Variants in EPB41L4B observed in about 807,000 individuals in gnomAD.
The protein encoded by EPB41L4B is erythrocyte membrane protein band 4.1 like 4B.
EPB41L4B carries 30 observed loss-of-function variants against 112.5 expected under a neutral mutation model. The observed-to-expected ratio is 0.27, with a 90% CI of 0.20 to 0.36. The LOEUF is 0.36. Ranked by LOEUF, EPB41L4B falls within the 10% of genes least tolerant of loss-of-function variation. EPB41L4B has a pLI of 1.00. For synonymous variants in EPB41L4B, 408 were observed against 439.7 expected (o/e 0.93, Z 0.90); for missense variants, 1,024 against 1,133.3 (o/e 0.90, Z 1.38).
At position 109,172,365 on chromosome 9, in the gene EPB41L4B, A is replaced by G. The variant is rs1245101903; in HGVS notation, c.*2189T>C. 4 of 152,216 alleles carry G rather than the reference A, an allele frequency of 2.6e-5. No individual in the cohort carries two copies. The highest frequency in any genetic ancestry group is 2.6e-4 in the Admixed American group (4 of 15,274). 9.4% of individuals were successfully genotyped at this position (152,216 alleles called of 1,614,324 possible). A position where few individuals can be genotyped will look rare whatever the true frequency, so the allele number is the denominator to read the frequency against. On this transcript the variant is annotated 3_prime_UTR_variant, in exon 26 of 26. Transcript: ENST00000374566. ...GGTTGGCAAGAAGTGACAGCCCCAT[A>G]TTGTACGGGAACATATTTTGTATCA... is the stretch of plus-strand genomic sequence containing the variant.
chr9:109,308,825 C>G (rs1837313381), intron 1 of EPB41L4B, among the ~76,000 whole-genome samples: 1 of 152,200 alleles, frequency 6.6e-6, no homozygotes, highest in Non-Finnish European at 1.5e-5. Context: ...TGCCTGTAAT[C>G]TCAGCACTTT....
At chr9:109,263,343 C>T (rs1336350244) in intron 5 of EPB41L4B, among the ~76,000 whole-genome samples, 1 of 152,172 alleles carries the variant, frequency 6.6e-6, no homozygotes, top group African/African-American at 2.4e-5. Flanking sequence ...CAATCGTGTA[C>T]AATTTTACTG....
chr9:109,174,752 G>T, intron 25 of EPB41L4B, 129 bp from the exon 26 acceptor site: 1 of 690,476 alleles, frequency 1.4e-6, no homozygotes, highest in Non-Finnish European at 2.4e-6. Context: ...ACTCCTTGAG[G>T]ACTATCTACA....
intron 7 of EPB41L4B, among the ~76,000 whole-genome samples, chr9:109,257,929 G>A (rs1252024148): frequency 2.0e-5 from 3 of 152,146 alleles, no homozygotes; most frequent in African/African-American, 4.8e-5. Context: ...TTGGGAGGTC[G>A]AGGATTCAGT....
chr9:109,309,528 T>C (rs1837336494), intron 1 of EPB41L4B, among the ~76,000 whole-genome samples: 1 of 151,862 alleles, frequency 6.6e-6, no homozygotes, highest in African/African-American at 2.4e-5. Context: ...AAAATACAAC[T>C]CCACCTAAAA....
chr9:109,294,262 G>A (rs1416630806), intron 1 of EPB41L4B, among the ~76,000 whole-genome samples: 4 of 146,726 alleles, frequency 2.7e-5, no homozygotes, highest in Non-Finnish European at 4.5e-5. Flanking sequence ...CCGAGATCAC[G>A]CCACTGCACT....
intron 7 of EPB41L4B, 65 bp downstream of exon 7, chr9:109,258,112 T>C: frequency 6.5e-7 from 1 of 1,534,880 alleles, no homozygotes; most frequent in Non-Finnish European, 8.9e-7. Flanking sequence ...GATAAAGGAG[T>C]GTGATCAACA....
chr9:109,222,467 T>C (rs16914033), intron 15 of EPB41L4B, among the ~76,000 whole-genome samples: 7,768 of 152,264 alleles, frequency 0.051, 685 homozygotes, highest in African/African-American at 0.18. Context: ...CCGACTACAA[T>C]GTAAATGACA....
intron 6 of EPB41L4B, among the ~76,000 whole-genome samples, chr9:109,258,835 T>C (rs535675775): frequency 2.0e-5 from 3 of 152,168 alleles, no homozygotes; most frequent in Admixed American, 6.5e-5. Flanking sequence ...CAGGAGCAAC[T>C]GCGGGAAGTC....
chr9:109,308,429 C>G (rs1306561437), intron 1 of EPB41L4B, among the ~76,000 whole-genome samples: 1 of 152,062 alleles, frequency 6.6e-6, no homozygotes, highest in African/African-American at 2.4e-5. Flanking sequence ...GACAAACGGC[C>G]TCACTTCTCC....
At chr9:109,296,296 C>G (rs1162124896) in intron 1 of EPB41L4B, among the ~76,000 whole-genome samples, 1 of 152,178 alleles carries the variant, frequency 6.6e-6, no homozygotes, top group East Asian at 1.9e-4. Flanking sequence ...ACTGTTCCCC[C>G]ATAAGCCATG....
intron 4 of EPB41L4B, among the ~76,000 whole-genome samples, chr9:109,266,576 G>A (rs745484886): frequency 1.3e-5 from 2 of 152,124 alleles, no homozygotes; most frequent in Admixed American, 1.3e-4. Flanking sequence ...GATGGAAAAG[G>A]GTAGAGGGAA....
intron 14 of EPB41L4B, among the ~76,000 whole-genome samples, chr9:109,244,434 CTTTTTTTTTTTTTTTT>C (rs573807379): frequency 8.2e-5 from 4 of 48,510 alleles, no homozygotes; most frequent in East Asian, 6.9e-4. Flanking sequence ...TGAAGGTTGT[CTTTTTTTTTTTTTTTT>C]TTTTTTTTTT....
At chr9:109,240,676 C>A (rs1002818364) in intron 15 of EPB41L4B, 1 of 985,294 alleles carries the variant, frequency 1.0e-6, no homozygotes, top group African/African-American at 1.7e-5. Context: ...ACCATCTCAT[C>A]CTACTCTACA....
At chr9:109,183,900 A>C (rs1832157699) in intron 23 of EPB41L4B, among the ~76,000 whole-genome samples, 2 of 152,262 alleles carry the variant, frequency 1.3e-5, no homozygotes, top group Admixed American at 1.3e-4. Flanking sequence ...AAATCAGCCA[A>C]GCTTTCCCAA....
At chr9:109,266,006 T>C (rs901110169) in intron 4 of EPB41L4B, among the ~76,000 whole-genome samples, 2 of 152,218 alleles carry the variant, frequency 1.3e-5, no homozygotes, top group African/African-American at 4.8e-5. Flanking sequence ...CTGAAGGTTC[T>C]AGTACATTCC....
intron 1 of EPB41L4B, among the ~76,000 whole-genome samples, chr9:109,296,832 T>G (rs551438016): frequency 4.7e-4 from 64 of 137,204 alleles, no homozygotes; most frequent in African/African-American, 1.7e-3. Context: ...GAGGCTGCAG[T>G]AAGCTATGAT....
chr9:109,223,879 T>A (rs909450295), intron 15 of EPB41L4B, among the ~76,000 whole-genome samples: 1 of 151,824 alleles, frequency 6.6e-6, no homozygotes, highest in African/African-American at 2.4e-5. Flanking sequence ...ATTAGCCAGG[T>A]GTGGTGGTGG....
intron 1 of EPB41L4B, among the ~76,000 whole-genome samples, chr9:109,303,594 C>G (rs758617893): frequency 2.6e-5 from 4 of 152,158 alleles, no homozygotes; most frequent in Non-Finnish European, 4.4e-5. Flanking sequence ...CTTAAGCAAT[C>G]CACCTACCTC....
Sources: allele counts gnomAD v4.1 joint callset (sites outside exome capture counted in the v4.1 genomes callset), GRCh38; gene constraint gnomAD v4.1.1; transcripts MANE v1.5; gene names NCBI Gene and HGNC (gene_info 2026-07-23, HGNC 2026-07-21).